Variants in APBA2 observed in about 807,000 individuals in gnomAD.
The protein encoded by APBA2 is amyloid beta precursor protein binding family A member 2, also known as amyloid-beta A4 precursor protein-binding family A member 2.
In APBA2, 30 loss-of-function variants were observed where a neutral mutation model predicts 75.0. The observed-to-expected ratio is 0.40, with a 90% CI of 0.30 to 0.54. The LOEUF (loss-of-function observed/expected upper bound fraction) is 0.54. APBA2 is among the 20% of genes least tolerant of loss of function. The pLI is 0.49. For synonymous variants in APBA2, 444 were observed against 409.6 expected (o/e 1.08, Z -1.01); for missense variants, 801 against 1,016.1 (o/e 0.79, Z 2.88).
At chr15:28,934,043 T>A (rs182786499) in intron 2 of APBA2, among the ~76,000 whole-genome samples, 1 of 145,032 alleles carries the variant, frequency 6.9e-6, no homozygotes, top group Non-Finnish European at 1.5e-5. Flanking sequence ...AGGCATGGAG[T>A]GGGCAGCTCC....
intron 2 of APBA2, among the ~76,000 whole-genome samples, chr15:28,980,087 T>A (rs2037542214): frequency 6.6e-6 from 1 of 152,136 alleles, no homozygotes; most frequent in Non-Finnish European, 1.5e-5. Context: ...AATTGTGCCT[T>A]TTAGCTAAAC....
At chr15:29,090,404 A>G (rs552984248) in intron 6 of APBA2, among the ~76,000 whole-genome samples, 3 of 152,216 alleles carry the variant, frequency 2.0e-5, no homozygotes, top group Admixed American at 2.0e-4. Context: ...ACTCAAGGAC[A>G]TGGGTCAACA....
chr15:28,966,371 T>C (rs1334538712), intron 2 of APBA2, among the ~76,000 whole-genome samples: 1 of 152,174 alleles, frequency 6.6e-6, no homozygotes, highest in African/African-American at 2.4e-5. Context: ...TGTTTTGTGG[T>C]CTGGGGGGTA....
intron 2 of APBA2, among the ~76,000 whole-genome samples, chr15:28,955,062 T>C (rs1041222151): frequency 6.6e-6 from 1 of 152,160 alleles, no homozygotes; most frequent in Admixed American, 6.5e-5. Flanking sequence ...TTTCCGACGC[T>C]GTGCGCATCT....
chr15:28,964,748 A>G (rs1248617535), intron 2 of APBA2, among the ~76,000 whole-genome samples: 1 of 151,938 alleles, frequency 6.6e-6, no homozygotes, highest in East Asian at 1.9e-4. Flanking sequence ...TCGGCCTCCG[A>G]AAGTGCTGGG....
chr15:29,024,253 A>G (rs894546101), intron 3 of APBA2, among the ~76,000 whole-genome samples: 2 of 152,168 alleles, frequency 1.3e-5, no homozygotes, highest in Non-Finnish European at 2.9e-5. Context: ...TGGCCATATA[A>G]GTTCAGCGTG....
At chr15:29,002,418 T>G (rs1199795552) in intron 3 of APBA2, among the ~76,000 whole-genome samples, 1 of 152,150 alleles carries the variant, frequency 6.6e-6, no homozygotes, top group Non-Finnish European at 1.5e-5. Context: ...TCTCCTTCAA[T>G]CAGTTCATAC....
intron 2 of APBA2, among the ~76,000 whole-genome samples, chr15:28,958,505 A>T (rs927850909): frequency 3.9e-5 from 6 of 152,198 alleles, no homozygotes; most frequent in African/African-American, 1.4e-4. Flanking sequence ...CAGTTTCGAG[A>T]TTTGGCGAAG....
At chr15:28,981,718 C>G (rs764754147) in intron 2 of APBA2, among the ~76,000 whole-genome samples, 3 of 152,160 alleles carry the variant, frequency 2.0e-5, no homozygotes, top group Non-Finnish European at 4.4e-5. Flanking sequence ...ATGTTCATCA[C>G]TGTGGTATTC....
At chr15:29,038,314 A>G (rs1273665153) in intron 3 of APBA2, among the ~76,000 whole-genome samples, 2 of 152,198 alleles carry the variant, frequency 1.3e-5, no homozygotes, top group African/African-American at 4.8e-5. Flanking sequence ...CAAGTGACCT[A>G]TCTTCCGAGG....
intron 2 of APBA2, among the ~76,000 whole-genome samples, chr15:28,987,727 G>GATATATATATATATAT (rs1252518408): frequency 8.7e-6 from 1 of 115,124 alleles, no homozygotes; most frequent in Admixed American, 8.8e-5. Flanking sequence ...TATGTGGAGA[G>GATATATATATATATAT]AGATATATAT....
chr15:28,977,551 G>GA (rs964778121), intron 2 of APBA2: 1 of 152,196 alleles, frequency 6.6e-6, no homozygotes, highest in Admixed American at 6.5e-5. Flanking sequence ...CATTGGCTGT[G>GA]ATTCAGCCCC....
At chr15:29,105,628 G>A (rs1367344227) in intron 11 of APBA2, 70 bp downstream of exon 11, 13 of 1,568,338 alleles carry the variant, frequency 8.3e-6, no homozygotes, top group Middle Eastern at 3.3e-4. Context: ...CCTGCAGAGC[G>A]AGCCTTCCCG....
chr15:28,962,386 A>T (rs868020869), intron 2 of APBA2, among the ~76,000 whole-genome samples: 1 of 152,030 alleles, frequency 6.6e-6, no homozygotes, highest in African/African-American at 2.4e-5. Context: ...CCTGGCCAAC[A>T]TGGTGAAACC....
At chr15:28,941,231 C>T (rs773119049) in intron 2 of APBA2, among the ~76,000 whole-genome samples, 5 of 152,104 alleles carry the variant, frequency 3.3e-5, no homozygotes, top group Non-Finnish European at 7.4e-5. Context: ...GTGTCTGAAG[C>T]GTCTCAGCAC....
intron 2 of APBA2, chr15:28,961,462 G>A (rs1032814637): frequency 6.6e-6 from 1 of 152,238 alleles, no homozygotes; most frequent in Non-Finnish European, 1.5e-5. Flanking sequence ...GGTGAACTGT[G>A]TGGGGCCCAA....
intron 3 of APBA2, among the ~76,000 whole-genome samples, chr15:29,007,070 G>A (rs1466587638): frequency 6.6e-6 from 1 of 152,188 alleles, no homozygotes; most frequent in East Asian, 1.9e-4. Context: ...ACATACAGAC[G>A]AAAGGAATTG....
chr15:28,969,538 G>A (rs1348871705), intron 2 of APBA2, among the ~76,000 whole-genome samples: 41 of 152,280 alleles, frequency 2.7e-4, no homozygotes, highest in East Asian at 7.7e-4. Flanking sequence ...GGCTCTCAGT[G>A]TAAAGATAGA....
At chr15:28,960,462 CAAA>C (rs112383004) in intron 2 of APBA2, among the ~76,000 whole-genome samples, 2 of 135,672 alleles carry the variant, frequency 1.5e-5, no homozygotes, top group Non-Finnish European at 3.3e-5. Flanking sequence ...GACCTTGTCT[CAAA>C]AAAAAAAAAA....
Sources: allele counts gnomAD v4.1 joint callset (sites outside exome capture counted in the v4.1 genomes callset), GRCh38; gene constraint gnomAD v4.1.1; transcripts MANE v1.5; gene names NCBI Gene and HGNC (gene_info 2026-07-23, HGNC 2026-07-21).